ESRRG: variants seen among roughly 807,000 people sequenced by gnomAD.
ESRRG encodes estrogen-related receptor gamma.
In ESRRG, 13 loss-of-function variants were observed where a neutral mutation model predicts 44.0. The observed-to-expected ratio is 0.30, with a 90% CI of 0.19 to 0.47. The LOEUF is 0.47. Ranked by LOEUF, ESRRG falls within the 20% of genes least tolerant of loss-of-function variation. The probability of loss-of-function intolerance (pLI) is 1.00; values close to 1 mark genes in which losing one functional copy is unlikely to be tolerated. For missense variants in ESRRG, 395 were observed against 580.6 expected (o/e 0.68, Z 3.29); for synonymous variants, 215 against 214.6 (o/e 1.00, Z -0.02).
chr1:216,955,293 T>C (rs1485328270), intron 1 of ESRRG, among the ~76,000 whole-genome samples: 2 of 152,210 alleles, frequency 1.3e-5, no homozygotes, highest in Non-Finnish European at 2.9e-5. Flanking sequence ...ATCCAGGGTA[T>C]TTCTTTTCTT....
chr1:216,772,168 C>G (rs1291043198), intron 2 of ESRRG, among the ~76,000 whole-genome samples: 1 of 152,064 alleles, frequency 6.6e-6, no homozygotes, highest in East Asian at 1.9e-4. Flanking sequence ...AATGCATTCA[C>G]ATTCAGATCT....
chr1:216,914,566 T>A (rs1393250368), intron 2 of ESRRG, among the ~76,000 whole-genome samples: 2 of 152,192 alleles, frequency 1.3e-5, no homozygotes, highest in Non-Finnish European at 2.9e-5. Context: ...TGTAAACATG[T>A]CCAATTGTCT....
chr1:216,942,797 T>G (rs1302182787), intron 1 of ESRRG, among the ~76,000 whole-genome samples: 1 of 152,214 alleles, frequency 6.6e-6, no homozygotes, highest in Non-Finnish European at 1.5e-5. Flanking sequence ...AAGTTCCTTG[T>G]AGTTTCTGGA....
chr1:216,584,098 A>T (rs1033966122), intron 3 of ESRRG, among the ~76,000 whole-genome samples: 10 of 151,968 alleles, frequency 6.6e-5, no homozygotes, highest in African/African-American at 2.2e-4. Flanking sequence ...TACATAGAAA[A>T]GCCATTCTTC....
At chr1:216,573,153 A>G (rs1396460172) in intron 3 of ESRRG, among the ~76,000 whole-genome samples, 2 of 151,974 alleles carry the variant, frequency 1.3e-5, no homozygotes, top group East Asian at 3.8e-4. Context: ...AGCTTGGGCC[A>G]TTGTCTGCAA....
chr1:217,030,308 G>A (rs1052323289), intron 1 of ESRRG, among the ~76,000 whole-genome samples: 19 of 152,088 alleles, frequency 1.2e-4, no homozygotes, highest in Admixed American at 1.3e-4. Context: ...CAGACCATAA[G>A]TAGAACCAGA....
At chr1:216,578,116 G>T (rs933855277) in intron 3 of ESRRG, among the ~76,000 whole-genome samples, 5 of 152,008 alleles carry the variant, frequency 3.3e-5, no homozygotes, top group African/African-American at 1.2e-4. Context: ...CTAGTATAAC[G>T]AATATGGTAT....
intron 1 of ESRRG, among the ~76,000 whole-genome samples, chr1:217,054,407 G>A (rs537355758): frequency 1.3e-5 from 2 of 152,162 alleles, no homozygotes; most frequent in African/African-American, 4.8e-5. Flanking sequence ...ACTCAGAAAC[G>A]TCTTGGAAAT....
At chr1:216,678,404 A>G (rs958802182) in intron 1 of ESRRG, among the ~76,000 whole-genome samples, 1 of 152,184 alleles carries the variant, frequency 6.6e-6, no homozygotes, top group South Asian at 2.1e-4. Flanking sequence ...CTGATGTTAT[A>G]TTTACATTCA....
chr1:217,133,467 CAT>C (rs2092993477), intron 1 of ESRRG, among the ~76,000 whole-genome samples: 1 of 152,244 alleles, frequency 6.6e-6, no homozygotes, highest in Non-Finnish European at 1.5e-5. Flanking sequence ...CGACGCGTGT[CAT>C]AGAAACATTT....
intron 2 of ESRRG, among the ~76,000 whole-genome samples, chr1:216,740,091 C>T (rs146787193): frequency 2.0e-4 from 31 of 152,240 alleles, no homozygotes; most frequent in African/African-American, 4.8e-4. Flanking sequence ...TTAATAGCCC[C>T]GACCTGTGCA....
intron 1 of ESRRG, among the ~76,000 whole-genome samples, chr1:216,708,142 G>A (rs925366910): frequency 5.9e-5 from 9 of 151,814 alleles, no homozygotes; most frequent in African/African-American, 1.9e-4. Flanking sequence ...TAAGACAGTC[G>A]TAATTAAACT....
At chr1:216,617,503 GA>G (rs5780897) in intron 3 of ESRRG, among the ~76,000 whole-genome samples, 59,213 of 138,344 alleles carry the variant, frequency 0.43, 12,406 homozygotes, top group Middle Eastern at 0.53. Context: ...TTGGCCTTTA[GA>G]AAAAAAAAAA....
chr1:216,725,900 C>T (rs1399649447), upstream of ESRRG, among the ~76,000 whole-genome samples: 1 of 152,076 alleles, frequency 6.6e-6, no homozygotes, highest in Non-Finnish European at 1.5e-5. Flanking sequence ...TTTGAAATGG[C>T]TTTTTAAAGA....
chr1:216,718,635 T>C (rs953216836), intron 1 of ESRRG, among the ~76,000 whole-genome samples: 1 of 151,754 alleles, frequency 6.6e-6, no homozygotes, highest in Non-Finnish European at 1.5e-5. Context: ...CTATCTGTTG[T>C]GCTTTAGGAC....
intron 2 of ESRRG, among the ~76,000 whole-genome samples, chr1:216,751,948 G>C (rs1259884890): frequency 6.6e-6 from 1 of 152,120 alleles, no homozygotes; most frequent in African/African-American, 2.4e-5. Flanking sequence ...CAGAGTGAGA[G>C]TCATTATGTA....
intron 5 of ESRRG, among the ~76,000 whole-genome samples, chr1:216,536,451 A>G (rs2050996843): frequency 6.6e-6 from 1 of 152,138 alleles, no homozygotes. Flanking sequence ...TCTCATTTCC[A>G]AAACTAATTT....
chr1:216,697,009 G>A (rs183424703), intron 1 of ESRRG, among the ~76,000 whole-genome samples: 6 of 150,572 alleles, frequency 4.0e-5, no homozygotes, highest in East Asian at 3.9e-4. Context: ...TCTGTTGCCC[G>A]GGCCAGAGTG....
rs10574748 is a variant in ESRRG, at chr1:216,857,721, TAAA to T, written c.-14+81858_-14+81860del. On this transcript the variant is annotated intron_variant, in intron 2 of 7. Coordinates refer to the ESRRG transcript ENST00000359162. ...AGCTAATTTTTCACAAAGCCAGATTTAAAAAAAAAAAAAAAAAAGTCCCTTCAT... is the reference window on the plus strand; with the variant it reads ...AGCTAATTTTTCACAAAGCCAGATTTAAAAAAAAAAAAAAAGTCCCTTCAT... Among the ~76,000 whole-genome samples, 404 of 128,570 alleles carry T rather than the reference TAAA, an allele frequency of 3.1e-3. 1 individual carries two copies. The highest frequency in any genetic ancestry group is 0.01 in the African/African-American group (383 of 36,834). The allele number at this position is 128,570 out of a possible 152,430, so 84.3% of individuals were successfully genotyped here. A position where few individuals can be genotyped will look rare whatever the true frequency, so the allele number is the denominator to read the frequency against.
Sources: allele counts gnomAD v4.1 joint callset (sites outside exome capture counted in the v4.1 genomes callset), GRCh38; gene constraint gnomAD v4.1.1; transcripts MANE v1.5; gene names NCBI Gene and HGNC (gene_info 2026-07-23, HGNC 2026-07-21).